The following MACROD2 variants were observed in gnomAD, a reference collection of about 807,000 sequenced individuals.
The protein encoded by MACROD2 is mono-ADP ribosylhydrolase 2.
Under a neutral mutation model 70.4 loss-of-function variants are expected in MACROD2, and 36 were observed. The ratio of observed to expected loss-of-function variants is 0.51; its 90% CI spans 0.39 to 0.68. The LOEUF (loss-of-function observed/expected upper bound fraction) is 0.68, where lower values mean the gene tolerates loss of function less well. Among genes scored for constraint, MACROD2 ranks in the 30% least tolerant of loss-of-function variants. MACROD2 has a pLI of 0.00. For missense variants in MACROD2, 496 were observed against 538.4 expected (o/e 0.92, Z 0.78); for synonymous variants, 172 against 178.8 (o/e 0.96, Z 0.30).
intron 5 of MACROD2, among the ~76,000 whole-genome samples, chr20:14,992,041 G>A (rs1196676378): frequency 6.6e-6 from 1 of 152,060 alleles, no homozygotes; most frequent in Non-Finnish European, 1.5e-5. Flanking sequence ...AGGTGTTAAC[G>A]CATATATGTA....
chr20:14,213,444 G>A (rs1388966633), intron 3 of MACROD2, among the ~76,000 whole-genome samples: 1 of 142,326 alleles, frequency 7.0e-6, no homozygotes, highest in Non-Finnish European at 1.5e-5. Context: ...ATCTGAGAGG[G>A]CTTCATAAAG....
intron 8 of MACROD2, among the ~76,000 whole-genome samples, chr20:15,587,603 C>T (rs909473154): frequency 6.6e-6 from 1 of 152,114 alleles, no homozygotes; most frequent in East Asian, 1.9e-4. Context: ...ATGCAATGGA[C>T]GTACAGTTAT....
chr20:15,107,983 CTT>C (rs76491578), intron 5 of MACROD2, among the ~76,000 whole-genome samples: 2 of 142,656 alleles, frequency 1.4e-5, no homozygotes, highest in Non-Finnish European at 1.5e-5. Flanking sequence ...AGAGCAAGCT[CTT>C]TTTTTTTTTT....
intron 4 of MACROD2, among the ~76,000 whole-genome samples, chr20:14,557,899 T>G (rs542727122): frequency 1.3e-5 from 2 of 151,728 alleles, no homozygotes; most frequent in African/African-American, 4.8e-5. Context: ...ATTAAAAAAA[T>G]TTACATAAAA....
chr20:15,874,314 T>C (rs932955588), intron 9 of MACROD2, among the ~76,000 whole-genome samples: 12 of 152,118 alleles, frequency 7.9e-5, no homozygotes, highest in African/African-American at 2.4e-4. Context: ...CAGTCTATTA[T>C]TGATGGACAT....
At position 14,684,906 on chromosome 20, in the gene MACROD2, G is replaced by C. The variant is rs762041678; in HGVS notation, c.365G>C (p.Gly122Ala). Reference protein sequence around the residue: ...CLLAECRNLNGCDTGHAKITC... With the variant: ...CLLAECRNLNACDTGHAKITC... ...CTAGCTGAATGTCGTAACCTGAATGGCTGTGATACTGGACATGCAAAAATC... is the reference window on the plus strand; with the variant it reads ...CTAGCTGAATGTCGTAACCTGAATGCCTGTGATACTGGACATGCAAAAATC... Residue 122 changes from glycine to alanine, a missense_variant, in exon 5 of 18, where the codon GGC becomes GCC. Transcript: ENST00000684519. The C allele has an allele frequency of 6.2e-7, 1 of 1,614,020 alleles. No homozygotes were observed. The highest frequency in any genetic ancestry group is 8.5e-7 in the Non-Finnish European group (1 of 1,179,950).
chr20:14,553,379 G>T lies in MACROD2; in HGVS notation c.301+59871G>T, dbSNP rs6110324. The stretch of plus-strand genomic sequence containing the variant: ...GTCTTCTTCTGGAATACCTCCTAAA[G>T]GACCTGCCTGAGGCTGTTTTCTAGT... On this transcript the variant is annotated intron_variant, in intron 4 of 17. Transcript: ENST00000684519. Among the ~76,000 whole-genome samples, 457 of 149,436 alleles carry T rather than the reference G, an allele frequency of 3.1e-3. 4 individuals carry two copies. Among genetic ancestry groups the T allele is most frequent in the African/African-American group, 0.011 (432 of 40,648 alleles).
chr20:14,307,012 AACACAC>A (rs3044626), intron 3 of MACROD2, among the ~76,000 whole-genome samples: 6,917 of 148,126 alleles, frequency 0.047, 188 homozygotes, highest in African/African-American at 0.068. Flanking sequence ...ACTAAATGTA[AACACAC>A]ACACACACAC....
intron 8 of MACROD2, among the ~76,000 whole-genome samples, chr20:15,799,110 G>A (rs1423049729): frequency 6.6e-6 from 1 of 152,144 alleles, no homozygotes; most frequent in East Asian, 1.9e-4. Context: ...TGATCTTTTG[G>A]GAAATTGGGC....
Position 15,786,963 on chromosome 20 carries a change from T to G in MACROD2, c.646-75782T>G, listed in dbSNP as rs2051939393. Among the ~76,000 whole-genome samples, 4 of 152,172 alleles carry G rather than the reference T, an allele frequency of 2.6e-5. No homozygotes were observed. The South Asian group carries it at 8.3e-4, about 32-fold the overall frequency. ...AGGAATAAAGAAAATTTTTGTTTTG[T>G]TTTGTTTTTGTTTTTGTGTTTGTTT... On this transcript the variant is annotated intron_variant, in intron 8 of 17. Coordinates refer to ENST00000684519, the MANE Select transcript of MACROD2 (RefSeq NM_001351661.2).
intron 4 of MACROD2, among the ~76,000 whole-genome samples, chr20:14,604,621 C>T (rs1178361664): frequency 1.3e-5 from 2 of 152,292 alleles, no homozygotes; most frequent in East Asian, 1.9e-4. Context: ...GGTATTCTCC[C>T]TTTCCTTAAG....
intron 5 of MACROD2, among the ~76,000 whole-genome samples, chr20:14,936,556 C>G (rs1448792155): frequency 6.6e-6 from 1 of 151,784 alleles, no homozygotes; most frequent in East Asian, 1.9e-4. Flanking sequence ...ACTAGTAAAT[C>G]TTTGTAGCTC....
chr20:15,025,844 AAATT>A (rs1210568134), intron 5 of MACROD2, among the ~76,000 whole-genome samples: 1 of 152,118 alleles, frequency 6.6e-6, no homozygotes, highest in Admixed American at 6.5e-5. Flanking sequence ...GTAGAGGAAA[AAATT>A]AATCCCCCTC....
At chr20:15,178,416 T>C (rs1372373999) in intron 5 of MACROD2, among the ~76,000 whole-genome samples, 1 of 152,238 alleles carries the variant, frequency 6.6e-6, no homozygotes, top group Non-Finnish European at 1.5e-5. Context: ...ACAATTATTC[T>C]GTGTGGTTAT....
At chr20:15,133,555 C>G (rs1175611346) in intron 5 of MACROD2, among the ~76,000 whole-genome samples, 1 of 152,076 alleles carries the variant, frequency 6.6e-6, no homozygotes, top group South Asian at 2.1e-4. Context: ...AAAGGACTCT[C>G]AATTCTGAGG....
intron 3 of MACROD2, among the ~76,000 whole-genome samples, chr20:14,134,801 C>CAAAAAAAAAA: frequency 1.0e-5 from 1 of 98,344 alleles, no homozygotes; most frequent in Non-Finnish European, 1.9e-5. Context: ...GACTCCGTGT[C>CAAAAAAAAAA]AAAAAAAAAA....
chr20:14,543,483 G>A (rs1600365612), intron 4 of MACROD2, among the ~76,000 whole-genome samples: 1 of 152,006 alleles, frequency 6.6e-6, no homozygotes, highest in Non-Finnish European at 1.5e-5. Context: ...AAGCCATTTA[G>A]GATTTTAATG....
intron 5 of MACROD2, among the ~76,000 whole-genome samples, chr20:15,223,379 C>A (rs111667283): frequency 6.6e-6 from 1 of 152,186 alleles, no homozygotes; most frequent in Admixed American, 6.5e-5. Context: ...TTTCACCACT[C>A]ATAGGAAGTT....
intron 5 of MACROD2, among the ~76,000 whole-genome samples, chr20:14,972,452 T>C (rs2074700486): frequency 6.6e-6 from 1 of 152,206 alleles, no homozygotes; most frequent in South Asian, 2.1e-4. Context: ...GTGATGTAAA[T>C]TCATGGGTGA....
Sources: allele counts gnomAD v4.1 joint callset (sites outside exome capture counted in the v4.1 genomes callset), GRCh38; gene constraint gnomAD v4.1.1; transcripts MANE v1.5; gene names NCBI Gene and HGNC (gene_info 2026-07-23, HGNC 2026-07-21).